ADCY1: variants seen among roughly 807,000 people sequenced by gnomAD.
The protein encoded by ADCY1 is adenylate cyclase type 1.
In ADCY1, 28 loss-of-function variants were observed where a neutral mutation model predicts 105.4. The ratio of observed to expected loss-of-function variants is 0.27; its 90% CI spans 0.20 to 0.36. The LOEUF (loss-of-function observed/expected upper bound fraction) is 0.36. Among genes scored for constraint, ADCY1 ranks in the 10% least tolerant of loss-of-function variants. ADCY1 has a pLI of 1.00. For missense variants in ADCY1, 977 were observed against 1,434.2 expected, an observed-to-expected ratio of 0.68 and a Z score of 5.15; for synonymous variants, 655 against 623.8, an observed-to-expected ratio of 1.05 and a Z score of -0.75.
At chr7:45,654,196 A>C (rs1794883068) in intron 5 of ADCY1, among the ~76,000 whole-genome samples, 1 of 152,166 alleles carries the variant, frequency 6.6e-6, no homozygotes, top group Non-Finnish European at 1.5e-5. Flanking sequence ...CTGTGTACCC[A>C]TAGGAATGTG....
At chr7:45,590,425 C>A (rs892183865) in intron 1 of ADCY1, among the ~76,000 whole-genome samples, 1 of 152,176 alleles carries the variant, frequency 6.6e-6, no homozygotes, top group East Asian at 1.9e-4. Context: ...CAGGCTCCTC[C>A]GCAGGCCTTG....
At chr7:45,625,385 G>A (rs889697878) in intron 4 of ADCY1, among the ~76,000 whole-genome samples, 1 of 152,200 alleles carries the variant, frequency 6.6e-6, no homozygotes, top group African/African-American at 2.4e-5. Flanking sequence ...GACGTACGTG[G>A]TGGAGATGCC....
At chr7:45,580,014 C>G (rs1792481885) in intron 1 of ADCY1, among the ~76,000 whole-genome samples, 1 of 143,608 alleles carries the variant, frequency 7.0e-6, no homozygotes, top group African/African-American at 2.5e-5. Flanking sequence ...GTCCCCTGGT[C>G]CATTTCCCTT....
chr7:45,686,323 T>G lies in ADCY1; in HGVS notation c.2327+108T>G. The G allele has an allele frequency of 6.7e-7, 1 of 1,485,292 alleles. No homozygotes were observed. The highest frequency in any genetic ancestry group is 9.0e-7 in the Non-Finnish European group (1 of 1,106,518). The allele number at this position is 1,485,292 out of a possible 1,614,324, so 92.0% of individuals were successfully genotyped here. On this transcript the variant is annotated intron_variant, in intron 13 of 19. Transcript: ENST00000297323. This position sits in a 1 kb window ranked among gnomAD's most constrained non-coding sequence, Gnocchi z 4.3. The stretch of plus-strand genomic sequence containing the variant: ...GAGTCCAGAACTAGTCAAGTTGAAT[T>G]GTATACACAATTTTTAGTTTGGTGG...
Position 45,703,525 on chromosome 7 carries a change from G to T in ADCY1, c.2571+33G>T. The stretch of plus-strand genomic sequence containing the variant: ...CCCAGCCTGCTCCTGGCCAGCACTA[G>T]CCCTACACTGCTCTGGCCACCCCAC... On this transcript the variant is annotated intron_variant, in intron 15 of 19. Transcript: ENST00000297323. The surrounding 1 kb of genome is among the most constrained non-coding windows in gnomAD (Gnocchi z 5.9). 1 of 1,613,736 alleles carries T rather than the reference G, an allele frequency of 6.2e-7. No homozygotes were observed. The highest frequency in any genetic ancestry group is 8.5e-7 in the Non-Finnish European group (1 of 1,179,766).
At chr7:45,599,857 C>T (rs1793178685) in intron 2 of ADCY1, among the ~76,000 whole-genome samples, 1 of 152,194 alleles carries the variant, frequency 6.6e-6, no homozygotes, top group Non-Finnish European at 1.5e-5. Context: ...AACTCCTGAC[C>T]TCCTGTGATC....
rs1792924739 is a variant in ADCY1 at position 45,591,790 on chromosome 7, T to C, written c.640-969T>C. On this transcript the variant is annotated intron_variant, in intron 1 of 19. Transcript: ENST00000297323. The surrounding 1 kb of genome is among the most constrained non-coding windows in gnomAD (Gnocchi z 4.1). ...GCAGGCAGTGGGGAGTGGGAAGTGA[T>C]TGTGGAGGGGAACCCTGGGTCAGGC... Among the ~76,000 whole-genome samples, 1 of 151,964 alleles carries C rather than the reference T, an allele frequency of 6.6e-6. No individual in the cohort carries two copies. The highest frequency in any genetic ancestry group is 2.1e-4 in the South Asian group (1 of 4,814).
At position 45,714,321 on chromosome 7, in the gene ADCY1, G is replaced by A. The variant is rs186402056; in HGVS notation, c.*326G>A. 5.4e-4 allele frequency: 192 copies of A among 358,716 alleles called. 1 individual carries two copies. Among genetic ancestry groups the A allele is most frequent in the African/African-American group, 3.6e-3 (176 of 49,202 alleles). The allele number at this position is 358,716 out of a possible 1,614,324, so 22.2% of individuals were successfully genotyped here. On this transcript the variant is annotated 3_prime_UTR_variant, in exon 20 of 20. Coordinates refer to ENST00000297323, the MANE Select transcript of ADCY1 (RefSeq NM_021116.4). The stretch of plus-strand genomic sequence containing the variant: ...AAGCCTGTTCAGGTTTGGCCAGGTC[G>A]GCATCAATGTAAGGACCTTCAGAGC...
upstream of ADCY1, among the ~76,000 whole-genome samples, chr7:45,574,367 G>C (rs1278377849): frequency 1.4e-5 from 2 of 143,836 alleles, no homozygotes; most frequent in East Asian, 4.2e-4. The surrounding 1 kb of genome is among the most constrained non-coding windows in gnomAD (Gnocchi z 7.0). Flanking sequence ...GGGCGGGAGG[G>C]GACGCGCTCC....
intron 12 of ADCY1, among the ~76,000 whole-genome samples, chr7:45,685,479 CA>C (rs1471936986): frequency 6.6e-6 from 1 of 150,986 alleles, no homozygotes; most frequent in Non-Finnish European, 1.5e-5. Context: ...AGAAGTGGGG[CA>C]GGAGTAACAA....
chr7:45,614,753 G>A (rs1050019402), intron 3 of ADCY1, among the ~76,000 whole-genome samples: 4 of 152,156 alleles, frequency 2.6e-5, no homozygotes, highest in Admixed American at 6.5e-5. Context: ...AGAAAAAAGG[G>A]ACTTTAAGTC....
intron 1 of ADCY1, among the ~76,000 whole-genome samples, chr7:45,580,182 T>C (rs1792489210): frequency 6.6e-6 from 1 of 152,174 alleles, no homozygotes; most frequent in African/African-American, 2.4e-5. Context: ...GGGCTCCCAC[T>C]CACTCCACCT....
chr7:45,602,781 A>G (rs887489209), intron 2 of ADCY1, among the ~76,000 whole-genome samples: 13 of 152,202 alleles, frequency 8.5e-5, no homozygotes, highest in Non-Finnish European at 1.3e-4. Flanking sequence ...TTTTTCCTAT[A>G]GAGTTATTAT....
intron 8 of ADCY1, among the ~76,000 whole-genome samples, chr7:45,675,052 T>C (rs1251748132): frequency 6.6e-6 from 1 of 152,210 alleles, no homozygotes; most frequent in East Asian, 1.9e-4. Context: ...ATTATTGATA[T>C]GTTATTGATA....
chr7:45,691,896 C>G (rs1157961513), intron 14 of ADCY1, among the ~76,000 whole-genome samples: 1 of 152,190 alleles, frequency 6.6e-6, no homozygotes, highest in Non-Finnish European at 1.5e-5. Context: ...GTGACAGTGA[C>G]ACTTGTCTCT....
chr7:45,587,468 T>A (rs1792765120), intron 1 of ADCY1, among the ~76,000 whole-genome samples: 1 of 152,034 alleles, frequency 6.6e-6, no homozygotes, highest in South Asian at 2.1e-4. Context: ...CATAGGGCTG[T>A]CAGGGGCAGG....
intron 2 of ADCY1, among the ~76,000 whole-genome samples, chr7:45,609,635 CA>C (rs1285902425): frequency 6.6e-6 from 1 of 152,096 alleles, no homozygotes; most frequent in Non-Finnish European, 1.5e-5. Context: ...ACCCTCACAC[CA>C]CATTTCTGGA....
rs758999505 is a variant in ADCY1 at position 45,678,106 on chromosome 7, A to G, written c.1800+43A>G. On this transcript the variant is annotated intron_variant, in intron 9 of 19. Transcript: ENST00000297323. ...TCGGCTTCCCTGGTGCTGCTTGCGAAGGCGCTGCCTGGCTGGAGGAAGCCC... is the reference window on the plus strand; with the variant it reads ...TCGGCTTCCCTGGTGCTGCTTGCGAGGGCGCTGCCTGGCTGGAGGAAGCCC... The G allele has an allele frequency of 4.3e-6, 7 of 1,613,656 alleles. No individual in the cohort carries two copies. The Admixed American group carries it at 1.0e-4, about 23-fold the overall frequency.
chr7:45,630,122 C>T (rs1794196988), intron 4 of ADCY1, among the ~76,000 whole-genome samples: 1 of 152,012 alleles, frequency 6.6e-6, no homozygotes, highest in Non-Finnish European at 1.5e-5. Context: ...TTTGGGTTGA[C>T]TTTTTTCTTT....
Sources: gnomAD v4.1 joint callset for allele counts (sites outside exome capture counted in the v4.1 genomes callset) on GRCh38, gnomAD v4.1.1 for gene constraint, Gnocchi (gnomAD v3.1) non-coding constraint, MANE v1.5 for transcripts, NCBI Gene and HGNC (gene_info 2026-07-23, HGNC 2026-07-21) for gene names.